ST8SIA2: variants seen among roughly 807,000 people sequenced by gnomAD.
ST8SIA2 encodes ST8 alpha-N-acetyl-neuraminide alpha-2,8-sialyltransferase 2.
In ST8SIA2, 22 loss-of-function variants were observed where a neutral mutation model predicts 37.6. The observed-to-expected ratio is 0.58, with a 90% CI of 0.42 to 0.83. The LOEUF (loss-of-function observed/expected upper bound fraction) is 0.83, where lower values mean the gene tolerates loss of function less well. Ranked by LOEUF, ST8SIA2 falls within the 40% of genes least tolerant of loss-of-function variation. The pLI is 0.00. For missense variants in ST8SIA2, 382 were observed against 484.7 expected (o/e 0.79, Z 1.99); for synonymous variants, 205 against 201.2 (o/e 1.02, Z -0.16).
intron 5 of ST8SIA2, among the ~76,000 whole-genome samples, chr15:92,452,845 G>C (rs1277920742): frequency 6.6e-6 from 1 of 152,028 alleles, no homozygotes; most frequent in Non-Finnish European, 1.5e-5. Context: ...GGAAATTAAG[G>C]CTCAGAAATG....
intron 3 of ST8SIA2, among the ~76,000 whole-genome samples, chr15:92,435,456 C>A (rs774748332): frequency 6.6e-6 from 1 of 151,970 alleles, no homozygotes; most frequent in Non-Finnish European, 1.5e-5. Context: ...AAGGTTGGGA[C>A]GATAGGCAGG....
intron 1 of ST8SIA2, among the ~76,000 whole-genome samples, chr15:92,426,242 A>G (rs986417225): frequency 5.3e-5 from 8 of 152,196 alleles, no homozygotes; most frequent in African/African-American, 1.9e-4. Flanking sequence ...TGCTTTGGGA[A>G]AAAAGGAAAT....
intron 3 of ST8SIA2, among the ~76,000 whole-genome samples, chr15:92,434,738 T>A (rs1156351840): frequency 6.6e-6 from 1 of 152,138 alleles, no homozygotes; most frequent in East Asian, 1.9e-4. Context: ...TGCCTGGGAG[T>A]CACATCCCCT....
chr15:92,425,067 T>A (rs2049665664), intron 1 of ST8SIA2, among the ~76,000 whole-genome samples: 1 of 122,520 alleles, frequency 8.2e-6, no homozygotes, highest in Non-Finnish European at 1.9e-5. Flanking sequence ...AGCATCTCTG[T>A]TTCTACAATT....
chr15:92,431,032 G>A (rs2049711666), intron 2 of ST8SIA2, among the ~76,000 whole-genome samples: 1 of 152,080 alleles, frequency 6.6e-6, no homozygotes, highest in Non-Finnish European at 1.5e-5. Context: ...CTCTGTCCCT[G>A]ACATCATTGC....
chr15:92,463,337 GAAGA>G (rs1386467082), intron 5 of ST8SIA2, among the ~76,000 whole-genome samples: 1 of 152,216 alleles, frequency 6.6e-6, no homozygotes, highest in Admixed American at 6.5e-5. Flanking sequence ...GCAGTCTTTA[GAAGA>G]AAGAGAGTGG....
chr15:92,417,234 A>G (rs940226320), intron 1 of ST8SIA2, among the ~76,000 whole-genome samples: 7 of 152,124 alleles, frequency 4.6e-5, no homozygotes, highest in Non-Finnish European at 8.8e-5. Context: ...GGTCCCATCC[A>G]TCCTCCTTCC....
At chr15:92,408,461 A>T (rs2049524266) in intron 1 of ST8SIA2, among the ~76,000 whole-genome samples, 1 of 152,070 alleles carries the variant, frequency 6.6e-6, no homozygotes, top group Non-Finnish European at 1.5e-5. Context: ...CCTGGTGGAA[A>T]GTAGGTGCTC....
At chr15:92,403,349 G>A (rs74029022) in intron 1 of ST8SIA2, among the ~76,000 whole-genome samples, 1,854 of 152,134 alleles carry the variant, frequency 0.012, 55 homozygotes, top group African/African-American at 0.042. Flanking sequence ...TCCTGCCCTG[G>A]GCCTCCTACA....
intron 1 of ST8SIA2, chr15:92,421,411 C>T (rs1262605664): frequency 6.6e-6 from 1 of 152,210 alleles, no homozygotes; most frequent in Non-Finnish European, 1.5e-5. Flanking sequence ...CTTGTTATTA[C>T]ATGGCTTGTC....
At chr15:92,432,046 G>T (rs2049719839) in intron 2 of ST8SIA2, among the ~76,000 whole-genome samples, 1 of 152,144 alleles carries the variant, frequency 6.6e-6, no homozygotes, top group Admixed American at 6.5e-5. Flanking sequence ...ATCCACGGGA[G>T]AATTCCTCTG....
chr15:92,416,230 G>T (rs1258269563), intron 1 of ST8SIA2, among the ~76,000 whole-genome samples: 3 of 151,458 alleles, frequency 2.0e-5, no homozygotes, highest in Non-Finnish European at 4.4e-5. Flanking sequence ...ACACTTGAAG[G>T]GGGGGTGGGG....
chr15:92,401,284 C>T (rs1410272813), intron 1 of ST8SIA2, among the ~76,000 whole-genome samples: 1 of 152,194 alleles, frequency 6.6e-6, no homozygotes, highest in Admixed American at 6.5e-5. Context: ...GGCTGACCGC[C>T]CCTGGGCTTG....
chr15:92,394,711 C>T (rs930852300), intron 1 of ST8SIA2, among the ~76,000 whole-genome samples: 6 of 152,232 alleles, frequency 3.9e-5, no homozygotes, highest in Non-Finnish European at 8.8e-5. Context: ...ACACGCGCCT[C>T]CCGCCGGCCC....
At chr15:92,441,576 T>C (rs1383542393) in intron 4 of ST8SIA2, among the ~76,000 whole-genome samples, 1 of 101,112 alleles carries the variant, frequency 9.9e-6, no homozygotes, top group Non-Finnish European at 1.9e-5. Flanking sequence ...TCACTGTGCA[T>C]GCACACACAC....
In ST8SIA2 at chr15:92,434,287, G is replaced by T. The variant is rs751104053; in HGVS notation, c.202G>T (p.Val68Phe). Residue 68 changes from valine (V) to phenylalanine (F), a missense_variant, in exon 3 of 6, where the codon GTT (valine) becomes TTT (phenylalanine). Coordinates refer to ENST00000268164, the MANE Select transcript of ST8SIA2 (RefSeq NM_006011.4). ...VINGSSSPAV[V>F]DRSNESIKHN... ...AAACGGCTCCTCATCACCAGCTGTT[G>T]TTGACAGAAGTAATGAAAGCATCAA... 3 of 1,613,972 alleles carry T rather than the reference G, an allele frequency of 1.9e-6. No individual in the cohort carries two copies. The East Asian group carries it at 6.7e-5, about 36-fold the overall frequency.
chr15:92,434,938 G>A (rs562069885), intron 3 of ST8SIA2, among the ~76,000 whole-genome samples: 7 of 152,316 alleles, frequency 4.6e-5, no homozygotes, highest in Middle Eastern at 3.4e-3. Context: ...AGCAGCTCTC[G>A]TCCTGATCTG....
At chr15:92,394,860 G>GCGGAGA (rs2049418539) in intron 1 of ST8SIA2, among the ~76,000 whole-genome samples, 1 of 152,208 alleles carries the variant, frequency 6.6e-6, no homozygotes, top group South Asian at 2.1e-4. Flanking sequence ...CGCTCGCAGC[G>GCGGAGA]CGGAGACGGA....
chr15:92,464,079 T>TTC, intron 5 of ST8SIA2, 21 bp from the exon 6 acceptor site: 8 of 1,493,632 alleles, frequency 5.4e-6, no homozygotes, highest in South Asian at 1.3e-5. Flanking sequence ...TTTCTTTTTT[T>TTC]TTTTTTTTTT....
Sources: gnomAD v4.1 joint callset for allele counts (sites outside exome capture counted in the v4.1 genomes callset) on GRCh38, gnomAD v4.1.1 for gene constraint, MANE v1.5 for transcripts, NCBI Gene and HGNC (gene_info 2026-07-23, HGNC 2026-07-21) for gene names.